Variants in ANKRD10 observed in about 807,000 individuals in gnomAD.
The protein encoded by ANKRD10 is ankyrin repeat domain-containing protein 10.
A neutral mutation model predicts 27.0 loss-of-function variants in ANKRD10; 14 were observed. That is an observed-to-expected ratio of 0.52 (90% CI 0.34 to 0.81). The LOEUF (loss-of-function observed/expected upper bound fraction) is 0.81. Ranked by LOEUF, ANKRD10 falls within the 40% of genes least tolerant of loss-of-function variation. The pLI, the probability that ANKRD10 is intolerant of heterozygous loss-of-function variation, is 0.01. For synonymous variants in ANKRD10, 250 were observed against 224.5 expected (o/e 1.11, Z -1.01); for missense variants, 493 against 544.0 (o/e 0.91, Z 0.93).
chr13:110,894,282 T>C lies in ANKRD10; in HGVS notation c.456-1019A>G, dbSNP rs772945244. 6 of 901,574 alleles carry C rather than the reference T, an allele frequency of 6.7e-6. No individual in the cohort carries two copies. In the Admixed American group the frequency reaches 7.5e-5, roughly 11 times the overall value. 55.8% of individuals were successfully genotyped at this position (901,574 alleles called of 1,614,324 possible). ...TACTTAACAGCAAAGACAGCTTCCA[T>C]ACCTGTTCAGCAAGCTACACTACAT... On this transcript the variant is annotated intron_variant, in intron 3 of 5. Transcript: ENST00000267339.
chr13:110,888,895 A>T (rs566450859), intron 4 of ANKRD10, among the ~76,000 whole-genome samples: 1 of 152,218 alleles, frequency 6.6e-6, no homozygotes, highest in South Asian at 2.1e-4. Context: ...AGTCAGTTTG[A>T]CACTTGAGAT....
intron 4 of ANKRD10, among the ~76,000 whole-genome samples, chr13:110,889,418 G>A (rs2065018509): frequency 6.6e-6 from 1 of 152,186 alleles, no homozygotes; most frequent in Non-Finnish European, 1.5e-5. Context: ...CAGAGTTCAT[G>A]TCCACACCTA....
At chr13:110,885,693 C>T (rs760668479) in intron 4 of ANKRD10, among the ~76,000 whole-genome samples, 53 of 152,256 alleles carry the variant, frequency 3.5e-4, no homozygotes, top group Non-Finnish European at 6.6e-4. Context: ...CAGCCAAGAG[C>T]GGGTCAACGT....
intron 3 of ANKRD10, among the ~76,000 whole-genome samples, chr13:110,905,492 GTAAA>G (rs2065505921): frequency 6.6e-6 from 1 of 152,204 alleles, no homozygotes; most frequent in Non-Finnish European, 1.5e-5. Context: ...GGTCTTTAAT[GTAAA>G]TAGTCATATT....
intron 2 of ANKRD10, among the ~76,000 whole-genome samples, chr13:110,909,093 TA>T (rs2065620107): frequency 6.6e-6 from 1 of 152,140 alleles, no homozygotes; most frequent in African/African-American, 2.4e-5. Flanking sequence ...TGAACTGCCA[TA>T]AGACACTTTG....
chr13:110,902,074 G>A (rs980727803), intron 3 of ANKRD10, among the ~76,000 whole-genome samples: 78 of 138,500 alleles, frequency 5.6e-4, no homozygotes, highest in Non-Finnish European at 3.0e-4. Context: ...AAAAAAAAGA[G>A]GAGGCAAAAG....
chr13:110,886,437 C>T (rs2099824863), intron 4 of ANKRD10, among the ~76,000 whole-genome samples: 4 of 152,244 alleles, frequency 2.6e-5, no homozygotes, highest in Non-Finnish European at 5.9e-5. Context: ...ATAGATACAG[C>T]CTCTCTATAC....
Position 110,914,838 on chromosome 13 carries a change from C to G in ANKRD10, c.97G>C (p.Gly33Arg). The change falls in exon 1 of 6, where the codon GGG becomes CGG. Residue 33 changes from glycine (G) to arginine (R), a missense_variant. By Grantham distance (125) the Gly-to-Arg change is moderately radical. Transcript: ENST00000267339. ...AGCGAGCAGAGCGTGGCCAGGTCCC[C>G]GTCGCGGCAGGCGCGGTGCAGCGGG... ...RFPLHRACRD[G>R]DLATLCSLLQ... is the part of the protein sequence containing the mutation. The G allele has an allele frequency of 1.3e-6, 2 of 1,578,218 alleles. No individual in the cohort carries two copies. Among genetic ancestry groups the G allele is most frequent in the South Asian group, 1.2e-5 (1 of 86,448 alleles).
intron 3 of ANKRD10, among the ~76,000 whole-genome samples, chr13:110,893,648 A>G (rs77164211): frequency 1.2e-3 from 190 of 152,314 alleles, no homozygotes; most frequent in African/African-American, 4.2e-3. Flanking sequence ...ATAACAAACA[A>G]CATGTACTGA....
intron 3 of ANKRD10, among the ~76,000 whole-genome samples, chr13:110,897,264 T>C (rs913065400): frequency 6.7e-5 from 10 of 150,368 alleles, no homozygotes; most frequent in African/African-American, 2.0e-4. Flanking sequence ...AGTAGCTAGG[T>C]ATACAGGCAT....
intron 4 of ANKRD10, among the ~76,000 whole-genome samples, chr13:110,885,494 A>G (rs1177284692): frequency 6.6e-6 from 1 of 152,010 alleles, no homozygotes; most frequent in East Asian, 1.9e-4. Flanking sequence ...GTTGCATTGA[A>G]CAGAGATTGC....
rs1443475717 is a variant in ANKRD10 at position 110,878,616 on chromosome 13, G to A, written c.*1021C>T. On this transcript the variant is annotated 3_prime_UTR_variant, in exon 6 of 6. Coordinates refer to ENST00000267339, the MANE Select transcript of ANKRD10 (RefSeq NM_017664.4). ...TGTTAGTAACACTCTTAGAACACTG[G>A]TTTGTTCATTTGACATTTTATCTGC... 1 of 152,420 alleles carries A rather than the reference G, an allele frequency of 6.6e-6. No homozygotes were observed. Among genetic ancestry groups the A allele is most frequent in the Non-Finnish European group, 1.5e-5 (1 of 68,020 alleles). 9.4% of individuals were successfully genotyped at this position (152,420 alleles called of 1,614,324 possible).
At position 110,879,526 on chromosome 13, in the gene ANKRD10, G is replaced by A. The variant is rs2064770543; in HGVS notation, c.*111C>T. Reference sequence around the variant, plus strand: ...AAGTTTACTTTTTCAGAAAGTTGAAGTATATAAAAAACGTACAAGTTGTGA... The same window carrying A: ...AAGTTTACTTTTTCAGAAAGTTGAAATATATAAAAAACGTACAAGTTGTGA... On this transcript the variant is annotated 3_prime_UTR_variant, in exon 6 of 6. Coordinates refer to ENST00000267339, the MANE Select transcript of ANKRD10 (RefSeq NM_017664.4). 1 of 821,292 alleles carries A rather than the reference G, an allele frequency of 1.2e-6. No individual in the cohort carries two copies. The highest frequency in any genetic ancestry group is 2.7e-5 in the East Asian group (1 of 37,296). 50.9% of individuals were successfully genotyped at this position (821,292 alleles called of 1,614,324 possible). A position where few individuals can be genotyped will look rare whatever the true frequency, so the allele number is the denominator to read the frequency against.
intron 3 of ANKRD10, chr13:110,894,714 C>T (rs1226805114): frequency 6.6e-6 from 1 of 151,742 alleles, no homozygotes; most frequent in Non-Finnish European, 1.5e-5. Flanking sequence ...CGGCTATGTG[C>T]AGGACTATTA....
Position 110,879,021 on chromosome 13 carries a change from T to C in ANKRD10, c.*616A>G, listed in dbSNP as rs2064761482. 1 of 152,886 alleles carries C rather than the reference T, an allele frequency of 6.5e-6. No homozygotes were observed. Among genetic ancestry groups the C allele is most frequent in the African/African-American group, 2.4e-5 (1 of 41,476 alleles). 9.5% of individuals were successfully genotyped at this position (152,886 alleles called of 1,614,324 possible). On this transcript the variant is annotated 3_prime_UTR_variant, in exon 6 of 6. Transcript: ENST00000267339. ...TCCAAACGCAGCCCCAGGCTGGGCC[T>C]GTTTTCCATGAAGCCCAAGGCAGTG...
intron 5 of ANKRD10, among the ~76,000 whole-genome samples, chr13:110,882,206 G>T (rs1253783585): frequency 6.6e-6 from 1 of 152,178 alleles, no homozygotes; most frequent in Non-Finnish European, 1.5e-5. Context: ...GCTGTACACA[G>T]TTGTTCAAAA....
Position 110,879,647 on chromosome 13 carries a change from T to TGGTGCA in ANKRD10, c.1247_1252dup (p.Leu416_His417dup). 3 of 1,610,468 alleles carry TGGTGCA rather than the reference T, an allele frequency of 1.9e-6. No homozygotes were observed. The highest frequency in any genetic ancestry group is 2.5e-6 in the Non-Finnish European group (3 of 1,177,748). ...GCCAGGTCAGCGTCTCTAGGAGCCG[T>TGGTGCA]GGTGCAGGTGCATGGTGCCCAGCAC... On this transcript the variant is annotated inframe_insertion, in exon 6 of 6. Coordinates refer to ENST00000267339, the MANE Select transcript of ANKRD10 (RefSeq NM_017664.4).
At chr13:110,896,788 T>C (rs1445255353) in intron 3 of ANKRD10, among the ~76,000 whole-genome samples, 1 of 152,244 alleles carries the variant, frequency 6.6e-6, no homozygotes, top group African/African-American at 2.4e-5. Flanking sequence ...TCTAATTTTA[T>C]GTATTAGAAA....
rs2065123161 is a variant in ANKRD10, at chr13:110,892,975, T to C, written c.691+53A>G. 1.8e-5 allele frequency: 29 copies of C among 1,598,426 alleles called. 1 individual carries two copies. In the South Asian group the frequency reaches 3.3e-4, roughly 18 times the overall value. ...TGCGCTCAGCCATAAAAAGAAAACA[T>C]ATTACAGAAAGGAAAAATAAGTGTG... On this transcript the variant is annotated intron_variant, in intron 4 of 5. Transcript: ENST00000267339.
Sources: gnomAD v4.1 joint callset for allele counts (sites outside exome capture counted in the v4.1 genomes callset) on GRCh38, gnomAD v4.1.1 for gene constraint, MANE v1.5 for transcripts, NCBI Gene and HGNC (gene_info 2026-07-23, HGNC 2026-07-21) for gene names.